LLGL2: variants seen among roughly 807,000 people sequenced by gnomAD.
LLGL2 encodes LLGL2, scribble cell polarity complex component.
Under a neutral mutation model 123.2 loss-of-function variants are expected in LLGL2, and 81 were observed. The observed-to-expected ratio is 0.66, with a 90% CI of 0.55 to 0.79. LLGL2 has a LOEUF of 0.79. Among genes scored for constraint, LLGL2 ranks in the 30% least tolerant of loss-of-function variants. The probability of loss-of-function intolerance (pLI) is 0.00; values close to 1 mark genes in which losing one functional copy is unlikely to be tolerated. For synonymous variants in LLGL2, 577 were observed against 594.1 expected (o/e 0.97, Z 0.42); for missense variants, 1,273 against 1,414.6 (o/e 0.90, Z 1.61).
intron 19 of LLGL2, among the ~76,000 whole-genome samples, 170 bp from the exon 20 acceptor site, chr17:75,572,844 T>C (rs3862478): frequency 0.49 from 73,211 of 149,768 alleles, 21,164 homozygotes; most frequent in African/African-American, 0.83. Context: ...AAAATCCAGA[T>C]AGGGAAGTCG....
At chr17:75,543,314 G>A in intron 1 of LLGL2, 83 bp from the exon 2 acceptor site, 1 of 920,458 alleles carries the variant, frequency 1.1e-6, no homozygotes. Context: ...TGGAGAGAGA[G>A]GCCCTGCTCC....
Position 75,571,748 on chromosome 17 carries a change from A to T in LLGL2, c.2258A>T (p.Glu753Val), listed in dbSNP as rs373717414. The change falls in exon 18 of 26, where the codon GAG becomes GTG. Residue 753 changes from glutamate to valine, a missense_variant. Glu to Val is a moderately radical substitution (Grantham distance 121). Coordinates refer to ENST00000392550, the MANE Select transcript of LLGL2 (RefSeq NM_001031803.2). The stretch of plus-strand genomic sequence containing the variant: ...TTCTCCCTGCGTGTGCCTCCCGCCG[A>T]GCGGAGAATGGATGAGCCTGTGCGG... The part of the protein sequence containing the change: ...YAFSLRVPPA[E>V]RRMDEPVRAE... 2.6e-5 allele frequency: 42 copies of T among 1,608,740 alleles called. No individual in the cohort carries two copies. The highest frequency in any genetic ancestry group is 3.5e-5 in the Non-Finnish European group (41 of 1,179,926).
chr17:75,572,348 C>T (rs961054162), intron 19 of LLGL2, among the ~76,000 whole-genome samples: 11 of 134,718 alleles, frequency 8.2e-5, no homozygotes, highest in Non-Finnish European at 1.7e-4. Context: ...GAAACCCTGA[C>T]TACTAAAAAT....
Position 75,554,888 on chromosome 17 carries a change from C to CAA in LLGL2, c.76-1144_76-1143dup, listed in dbSNP as rs566780078. Among the ~76,000 whole-genome samples, 161 of 131,958 alleles carry CAA rather than the reference C, an allele frequency of 1.2e-3. 2 individuals carry two copies. In the East Asian group the frequency reaches 0.019, roughly 15 times the overall value. The allele number at this position is 131,958 out of a possible 152,430, so 86.6% of individuals were successfully genotyped here. A position where few individuals can be genotyped will look rare whatever the true frequency, so the allele number is the denominator to read the frequency against. Reference sequence around the variant, plus strand: ...TGGGCGACAGCGCAAGACTCCGTCTCAAAAAAAAAAAAAAATTTTTGGCTG... The same window carrying CAA: ...TGGGCGACAGCGCAAGACTCCGTCTCAAAAAAAAAAAAAAAAATTTTTGGCTG... On this transcript the variant is annotated intron_variant, in intron 2 of 25. Transcript: ENST00000392550.
In LLGL2 at chr17:75,563,478, C is replaced by G. The variant is rs536330043; in HGVS notation, c.826+15C>G. 1.2e-6 allele frequency: 2 copies of G among 1,611,258 alleles called. No homozygotes were observed. Among genetic ancestry groups the G allele is most frequent in the Non-Finnish European group, 1.7e-6 (2 of 1,179,494 alleles). ...CGTGCCTTACGGTCAGTGTTTCACC[C>G]GCCGGGCAGGGCCCACCCCCAGTGC... On this transcript the variant is annotated intron_variant, in intron 8 of 25. Transcript: ENST00000392550.
chr17:75,554,345 C>T (rs1051546814), intron 2 of LLGL2, among the ~76,000 whole-genome samples: 8 of 150,648 alleles, frequency 5.3e-5, no homozygotes, highest in African/African-American at 2.0e-4. Flanking sequence ...CTTGCAGTGA[C>T]TCACGCCTGT....
In LLGL2 at chr17:75,569,074, G is replaced by C; in HGVS notation, c.1419G>C (p.Thr473=). The C allele has an allele frequency of 1.2e-6, 2 of 1,613,012 alleles. No individual in the cohort carries two copies. Among genetic ancestry groups the C allele is most frequent in the Admixed American group, 1.7e-5 (1 of 59,936 alleles). The change falls in exon 13 of 26, where the codon ACG becomes ACC. Residue 473 remains threonine, a synonymous_variant. Coordinates refer to ENST00000392550, the MANE Select transcript of LLGL2 (RefSeq NM_001031803.2). Reference sequence around the variant, plus strand: ...CTGTGCGCGTGTTCCTCACCGACACGGACCCCAACGAGAACTTCAGTGCCC... The same window carrying C: ...CTGTGCGCGTGTTCCTCACCGACACCGACCCCAACGAGAACTTCAGTGCCC... ...LSTVRVFLTD[T]DPNENFSAQG...
chr17:75,564,543 G>A lies in LLGL2; in HGVS notation c.1036+36G>A, dbSNP rs781415988. ...TTCGGGAGTGGGTGCCCAGGGTTAG[G>A]TGTGGGAGGCATGGGGCAGGACCAT... is the stretch of plus-strand genomic sequence containing the variant. On this transcript the variant is annotated intron_variant, in intron 10 of 25. Coordinates refer to ENST00000392550, the MANE Select transcript of LLGL2 (RefSeq NM_001031803.2). The surrounding 1 kb of genome is among the most constrained non-coding windows in gnomAD (Gnocchi z 4.9). 4.3e-6 allele frequency: 7 copies of A among 1,611,910 alleles called. No individual in the cohort carries two copies. The highest frequency in any genetic ancestry group is 5.9e-6 in the Non-Finnish European group (7 of 1,179,206).
chr17:75,570,915 C>G (rs1490413003), intron 16 of LLGL2, 35 bp from the exon 17 acceptor site: 2 of 1,573,636 alleles, frequency 1.3e-6, no homozygotes. Flanking sequence ...GAGGGGAGTC[C>G]AGAGCTGACC....
In LLGL2 at chr17:75,563,434, C is replaced by A; in HGVS notation, c.797C>A (p.Pro266Gln). 1 of 1,612,804 alleles carries A rather than the reference C, an allele frequency of 6.2e-7. No individual in the cohort carries two copies. The highest frequency in any genetic ancestry group is 8.5e-7 in the Non-Finnish European group (1 of 1,180,036). Residue 266 changes from proline to glutamine, a missense_variant, in exon 8 of 26, where the codon CCA becomes CAA. Transcript: ENST00000392550. ...CCCGTGTCCAGCGAAGCCCAGCAAC[C>A]AGAGCCCCTCCGCAGCCTCGTGCCT... is the stretch of plus-strand genomic sequence containing the variant. ...QWPVSSEAQQ[P>Q]EPLRSLVPYG...
chr17:75,557,748 C>A, intron 3 of LLGL2: 1 of 334,234 alleles, frequency 3.0e-6, no homozygotes, highest in Non-Finnish European at 5.9e-6. Context: ...GTTACCAATC[C>A]CTGGTGCCAA....
intron 20 of LLGL2, 101 bp from the exon 21 acceptor site, chr17:75,573,380 A>G: frequency 6.4e-7 from 1 of 1,554,776 alleles, no homozygotes; most frequent in Non-Finnish European, 8.8e-7. Context: ...ATGGGCCTTA[A>G]GCGGAGAACT....
intron 2 of LLGL2, among the ~76,000 whole-genome samples, chr17:75,547,194 G>A (rs1321852979): frequency 2.6e-5 from 4 of 152,224 alleles, no homozygotes; most frequent in South Asian, 2.1e-4. Flanking sequence ...AGAGGGAGAC[G>A]TCTTGTTTCT....
chr17:75,572,333 A>G (rs759244006), intron 19 of LLGL2, among the ~76,000 whole-genome samples: 27 of 150,080 alleles, frequency 1.8e-4, no homozygotes, highest in Non-Finnish European at 3.2e-4. Context: ...CCTGGCCAAT[A>G]TGGTGAAACC....
At chr17:75,574,346 T>C in intron 23 of LLGL2, 86 bp downstream of exon 23, 4 of 1,525,546 alleles carry the variant, frequency 2.6e-6, no homozygotes, top group Non-Finnish European at 3.5e-6. Context: ...GCCACTGCCC[T>C]GAGGCGGGGT....
In LLGL2 at chr17:75,573,595, ACGGTGCGGG is replaced by A. The variant is rs1168728768; in HGVS notation, c.2842_2850del (p.Gly948_Gly950del). 4 of 1,611,868 alleles carry A rather than the reference ACGGTGCGGG, an allele frequency of 2.5e-6. No homozygotes were observed. The highest frequency in any genetic ancestry group is 3.4e-6 in the Non-Finnish European group (4 of 1,179,834). On this transcript the variant is annotated inframe_deletion, in exon 21 of 26. Transcript: ENST00000392550. ...GAAACCAAGAACCACCGCCCTGGTAACGGTGCGGGCCCCAAGAAGGCCCCGAGCCGAGCC... is the reference window on the plus strand; with the variant it reads ...GAAACCAAGAACCACCGCCCTGGTAACCCCAAGAAGGCCCCGAGCCGAGCC...
chr17:75,562,953 C>T, intron 6 of LLGL2, 63 bp from the exon 7 acceptor site: 1 of 1,588,546 alleles, frequency 6.3e-7, no homozygotes, highest in Non-Finnish European at 8.5e-7. Context: ...ATGGCTGTGC[C>T]ATGCTGGGGG....
rs772466388 is a variant in LLGL2 at position 75,543,492 on chromosome 17, G to T, written c.66G>T (p.Gln22His). The T allele has an allele frequency of 6.2e-7, 1 of 1,611,332 alleles. No individual in the cohort carries two copies. The highest frequency in any genetic ancestry group is 8.5e-7 in the Non-Finnish European group (1 of 1,178,448). ...VRERLKRDLF[Q>H]FNKTVEHGFP... ...AGAGGCTCAAGCGGGACCTGTTCCA[G>T]TTTAACAAGGTAAGTTAGGGAGAGC... The change falls in exon 2 of 26, where the codon CAG becomes CAT. Residue 22 changes from glutamine to histidine, a missense_variant. Coordinates refer to ENST00000392550, the MANE Select transcript of LLGL2 (RefSeq NM_001031803.2).
intron 2 of LLGL2, among the ~76,000 whole-genome samples, chr17:75,554,377 C>T (rs11656574): frequency 0.43 from 65,621 of 151,154 alleles, 16,465 homozygotes; most frequent in South Asian, 0.61. Flanking sequence ...TTTGGGAGGC[C>T]GAGGCAGGAG....
Sources: gnomAD v4.1 joint callset for allele counts (sites outside exome capture counted in the v4.1 genomes callset) on GRCh38, gnomAD v4.1.1 for gene constraint, Gnocchi (gnomAD v3.1) non-coding constraint, MANE v1.5 for transcripts, NCBI Gene and HGNC (gene_info 2026-07-23, HGNC 2026-07-21) for gene names.